Variants in MCTP1 observed in about 807,000 individuals in gnomAD.
MCTP1 encodes the protein multiple C2 and transmembrane domain containing 1.
MCTP1 carries 69 observed loss-of-function variants against 120.6 expected under a neutral mutation model. That is an observed-to-expected ratio of 0.57 (90% CI 0.47 to 0.70). The LOEUF (loss-of-function observed/expected upper bound fraction) is 0.70. MCTP1 is among the 30% of genes least tolerant of loss of function. The pLI is 0.00. For missense variants in MCTP1, 1,203 were observed against 1,248.8 expected, an observed-to-expected ratio of 0.96 and a Z score of 0.55; for synonymous variants, 529 against 493.1, an observed-to-expected ratio of 1.07 and a Z score of -0.96.
chr5:94,761,344 C>T (rs535133199), intron 19 of MCTP1, among the ~76,000 whole-genome samples: 3 of 152,164 alleles, frequency 2.0e-5, no homozygotes, highest in Admixed American at 2.0e-4. Context: ...GAGAGCTTAG[C>T]TAGAAAGTGA....
At chr5:95,017,578 GAATT>G in intron 1 of MCTP1, 94 bp from the exon 2 acceptor site, 1 of 487,892 alleles carries the variant, frequency 2.0e-6, no homozygotes, top group East Asian at 4.6e-5. Context: ...CAAATTATAA[GAATT>G]AGTCAATAAA....
intron 1 of MCTP1, among the ~76,000 whole-genome samples, chr5:95,151,672 A>G (rs1372578796): frequency 2.6e-5 from 4 of 152,116 alleles, no homozygotes. Flanking sequence ...CATTTCAACC[A>G]ATTTTTCCAC....
intron 1 of MCTP1, among the ~76,000 whole-genome samples, chr5:95,096,083 T>C (rs193209555): frequency 1.1e-3 from 168 of 152,326 alleles, no homozygotes; most frequent in African/African-American, 3.9e-3. Flanking sequence ...TAAGTGATTT[T>C]GTAGGCATAG....
intron 19 of MCTP1, among the ~76,000 whole-genome samples, chr5:94,723,039 T>C (rs1226101357): frequency 6.6e-6 from 1 of 152,248 alleles, no homozygotes; most frequent in Non-Finnish European, 1.5e-5. Context: ...ATGTTTTCTC[T>C]GTGCCAATCT....
intron 17 of MCTP1, among the ~76,000 whole-genome samples, chr5:94,811,677 C>T (rs1325095053): frequency 6.6e-6 from 1 of 152,162 alleles, no homozygotes; most frequent in Non-Finnish European, 1.5e-5. Context: ...GGTGTTGATG[C>T]CCGATGGCTC....
chr5:95,262,861 A>C (rs909303539), intron 1 of MCTP1, among the ~76,000 whole-genome samples: 1 of 152,212 alleles, frequency 6.6e-6, no homozygotes, highest in Non-Finnish European at 1.5e-5. Context: ...TATATACTAC[A>C]TTAAAAATTA....
At chr5:94,882,017 G>A (rs1044879267) in intron 12 of MCTP1, among the ~76,000 whole-genome samples, 9 of 152,100 alleles carry the variant, frequency 5.9e-5, no homozygotes, top group Non-Finnish European at 1.2e-4. Flanking sequence ...CTCTCATGGA[G>A]TTTAAACTCA....
chr5:95,169,734 T>G (rs1295758003), intron 1 of MCTP1, among the ~76,000 whole-genome samples: 2 of 152,186 alleles, frequency 1.3e-5, no homozygotes, highest in Non-Finnish European at 2.9e-5. Context: ...GTGGGATCAG[T>G]GGAGATATCC....
intron 2 of MCTP1, among the ~76,000 whole-genome samples, chr5:95,000,938 C>T (rs532525297): frequency 6.6e-6 from 1 of 152,334 alleles, no homozygotes; most frequent in African/African-American, 2.4e-5. Context: ...TTTGTGTCCA[C>T]TGAAATCTCA....
chr5:95,157,857 G>GT (rs1745296815), intron 1 of MCTP1, among the ~76,000 whole-genome samples: 1 of 152,028 alleles, frequency 6.6e-6, no homozygotes, highest in Non-Finnish European at 1.5e-5. Context: ...TTCATTTATT[G>GT]TTTATGGCTG....
At chr5:95,023,441 A>G (rs1838588292) in intron 1 of MCTP1, among the ~76,000 whole-genome samples, 1 of 152,244 alleles carries the variant, frequency 6.6e-6, no homozygotes, top group African/African-American at 2.4e-5. Flanking sequence ...GAATTTGCCA[A>G]CTGACAAGAT....
intron 1 of MCTP1, among the ~76,000 whole-genome samples, chr5:95,137,798 T>G (rs931586397): frequency 6.6e-6 from 1 of 152,216 alleles, no homozygotes; most frequent in African/African-American, 2.4e-5. Context: ...AATTCTGCTT[T>G]TTTAATGTCT....
chr5:94,947,603 G>GAGAGAGAGAGAC (rs1554147780), intron 3 of MCTP1, among the ~76,000 whole-genome samples: 3 of 104,480 alleles, frequency 2.9e-5, no homozygotes, highest in East Asian at 2.5e-4. Context: ...GAGAGAGAGA[G>GAGAGAGAGAGAC]AGAGAGAGAG....
In MCTP1 at chr5:94,703,997, GAAA is replaced by G. The variant is rs5869640; in HGVS notation, c.*3496_*3498del. The G allele has an allele frequency of 1.5e-5, 2 of 136,630 alleles. No individual in the cohort carries two copies. Among genetic ancestry groups the G allele is most frequent in the East Asian group, 2.0e-4 (1 of 5,010 alleles). The allele number at this position is 136,630 out of a possible 1,614,324, so 8.5% of individuals were successfully genotyped here. A position where few individuals can be genotyped will look rare whatever the true frequency, so the allele number is the denominator to read the frequency against. ...GGTAACATTTTCACCAAAAAAAAAA[GAAA>G]AAAAAATGTTTTGTTTTCTTTCAGT... On this transcript the variant is annotated 3_prime_UTR_variant, in exon 23 of 23. Transcript: ENST00000515393.
rs1482963506 is a variant in MCTP1, at chr5:94,873,053, AAC to A, written c.2036+84_2036+85del. ...TTGAGTTGTGAATCAGTTAAGAATAAACACACACATTTTTTTTAAAACCCTCA... is the reference window on the plus strand; with the variant it reads ...TTGAGTTGTGAATCAGTTAAGAATAAACACACATTTTTTTTAAAACCCTCA... On this transcript the variant is annotated intron_variant, in intron 13 of 22. Transcript: ENST00000515393. The A allele has an allele frequency of 4.2e-5, 33 of 794,506 alleles. 2 individuals carry two copies. The highest frequency in any genetic ancestry group is 3.8e-4 in the South Asian group (26 of 68,576). 49.2% of individuals were successfully genotyped at this position (794,506 alleles called of 1,614,324 possible). A position where few individuals can be genotyped will look rare whatever the true frequency, so the allele number is the denominator to read the frequency against.
intron 19 of MCTP1, among the ~76,000 whole-genome samples, chr5:94,721,839 G>C (rs867794005): frequency 2.4e-3 from 110 of 45,184 alleles, no homozygotes; most frequent in Non-Finnish European, 4.2e-3. Flanking sequence ...TAGTGACACT[G>C]TTTTGTTTTT....
At chr5:94,735,583 A>G (rs1386457980) in intron 19 of MCTP1, among the ~76,000 whole-genome samples, 1 of 152,112 alleles carries the variant, frequency 6.6e-6, no homozygotes, top group Non-Finnish European at 1.5e-5. Context: ...GGCCTACATT[A>G]TGTTTCAGAT....
chr5:95,199,064 G>C (rs1388939055), intron 1 of MCTP1, among the ~76,000 whole-genome samples: 1 of 152,110 alleles, frequency 6.6e-6, no homozygotes, highest in Non-Finnish European at 1.5e-5. Flanking sequence ...TTTGAACGTA[G>C]ATAATACATA....
At chr5:94,780,981 G>A (rs1382863683) in intron 18 of MCTP1, among the ~76,000 whole-genome samples, 2 of 152,026 alleles carry the variant, frequency 1.3e-5, no homozygotes, top group Non-Finnish European at 1.5e-5. Flanking sequence ...ATTCCAAATT[G>A]GGCTATTTGT....
Sources: allele counts gnomAD v4.1 joint callset (sites outside exome capture counted in the v4.1 genomes callset), GRCh38; gene constraint gnomAD v4.1.1; transcripts MANE v1.5; gene names NCBI Gene and HGNC (gene_info 2026-07-23, HGNC 2026-07-21).